Variants in CRPPA observed in about 807,000 individuals in gnomAD.
The protein encoded by CRPPA is CDP-L-ribitol pyrophosphorylase A, also known as D-ribitol-5-phosphate cytidylyltransferase.
A neutral mutation model predicts 52.0 loss-of-function variants in CRPPA; 43 were observed. That is an observed-to-expected ratio of 0.83 (90% CI 0.65 to 1.07). The LOEUF is 1.07. CRPPA is among the 50% of genes least tolerant of loss of function. CRPPA has a pLI of 0.00. For missense variants in CRPPA, 629 were observed against 551.7 expected (o/e 1.14, Z -1.40); for synonymous variants, 250 against 203.5 (o/e 1.23, Z -1.94).
chr7:16,327,562 C>T (rs1228896398), intron 3 of CRPPA, among the ~76,000 whole-genome samples: 2 of 135,990 alleles, frequency 1.5e-5, no homozygotes, highest in African/African-American at 2.9e-5. Context: ...CACTGCAGTC[C>T]GCAGTCCGGC....
intron 2 of CRPPA, among the ~76,000 whole-genome samples, chr7:16,392,672 T>A (rs1013824738): frequency 6.6e-6 from 1 of 152,224 alleles, no homozygotes; most frequent in East Asian, 1.9e-4. Context: ...AAGCCATTAA[T>A]AAATTGCTTT....
intron 3 of CRPPA, among the ~76,000 whole-genome samples, chr7:16,333,046 G>T (rs1014915327): frequency 3.9e-5 from 6 of 152,094 alleles, no homozygotes; most frequent in Non-Finnish European, 7.4e-5. Flanking sequence ...AGATCATAAA[G>T]GGGACAATAC....
intron 4 of CRPPA, among the ~76,000 whole-genome samples, chr7:16,307,245 A>T (rs909318654): frequency 6.6e-6 from 1 of 152,188 alleles, no homozygotes; most frequent in African/African-American, 2.4e-5. Flanking sequence ...CTTATTTCTG[A>T]TTTCCAGACT....
chr7:16,223,215 C>T (rs976032553), intron 8 of CRPPA, among the ~76,000 whole-genome samples: 7 of 152,116 alleles, frequency 4.6e-5, no homozygotes, highest in East Asian at 1.9e-4. Flanking sequence ...GGAACAATGC[C>T]GCTGCTTAAT....
chr7:16,156,630 G>A (rs976213053), intron 9 of CRPPA, among the ~76,000 whole-genome samples: 1 of 152,104 alleles, frequency 6.6e-6, no homozygotes, highest in African/African-American at 2.4e-5. Context: ...TAAAATAATA[G>A]GTCTACATCT....
At chr7:16,266,699 G>A (rs1370560202) in intron 6 of CRPPA, among the ~76,000 whole-genome samples, 3 of 151,950 alleles carry the variant, frequency 2.0e-5, no homozygotes, top group Non-Finnish European at 4.4e-5. Flanking sequence ...GGCTGGTCTC[G>A]AACCTCTGAC....
intron 2 of CRPPA, among the ~76,000 whole-genome samples, chr7:16,381,172 C>G (rs77771061): frequency 1.4e-4 from 22 of 152,284 alleles, no homozygotes; most frequent in African/African-American, 4.3e-4. Flanking sequence ...ATGAGTCCCA[C>G]AGATTCCGGT....
At chr7:16,208,968 C>A in intron 9 of CRPPA, 1 of 417,028 alleles carries the variant, frequency 2.4e-6, no homozygotes, top group South Asian at 1.9e-5. Context: ...CTAAAATCCA[C>A]CAAATTTTCT....
intron 1 of CRPPA, among the ~76,000 whole-genome samples, chr7:16,415,603 A>G (rs187408760): frequency 8.9e-4 from 135 of 152,308 alleles, no homozygotes; most frequent in Middle Eastern, 3.4e-3. Context: ...TATAACTTTA[A>G]TCATCTTACT....
chr7:16,398,692 G>C (rs535688046), intron 2 of CRPPA, among the ~76,000 whole-genome samples: 1 of 152,010 alleles, frequency 6.6e-6, no homozygotes, highest in Admixed American at 6.5e-5. Context: ...TGACTGACAC[G>C]ATTGGCATCT....
intron 8 of CRPPA, among the ~76,000 whole-genome samples, chr7:16,228,212 A>G (rs1246325025): frequency 1.3e-5 from 2 of 151,852 alleles, no homozygotes; most frequent in East Asian, 1.9e-4. Context: ...GGTTTTGACT[A>G]TTCAGGGTCT....
intron 2 of CRPPA, among the ~76,000 whole-genome samples, chr7:16,399,454 G>C (rs1173815838): frequency 6.6e-6 from 1 of 151,964 alleles, no homozygotes; most frequent in Non-Finnish European, 1.5e-5. Flanking sequence ...TCCAACATGT[G>C]ACTGATACGA....
intron 9 of CRPPA, among the ~76,000 whole-genome samples, chr7:16,140,211 G>A (rs1472211670): frequency 1.3e-5 from 2 of 152,026 alleles, no homozygotes; most frequent in African/African-American, 2.4e-5. Context: ...GCAGTGGTGT[G>A]ATCTCAGTTC....
chr7:16,326,344 A>G (rs538335236), intron 3 of CRPPA, among the ~76,000 whole-genome samples: 34 of 152,322 alleles, frequency 2.2e-4, no homozygotes, highest in Admixed American at 9.1e-4. Flanking sequence ...TTTCACTGTG[A>G]TGATATCAAG....
chr7:16,265,192 A>G (rs1295143), intron 6 of CRPPA, among the ~76,000 whole-genome samples: 28,727 of 152,088 alleles, frequency 0.19, 3,620 homozygotes, highest in African/African-American at 0.36. Context: ...CTGGTGGATC[A>G]TAACAGTGGC....
chr7:16,305,787 C>T lies in CRPPA; in HGVS notation c.789+2736G>A, dbSNP rs192314737. ...GTCCCAGCTACTCGGGAGACTGAGG[C>T]GGGAGAATTGCTTGAACCAGGGAGT... On this transcript the variant is annotated intron_variant, in intron 4 of 9. Coordinates refer to ENST00000407010, the MANE Select transcript of CRPPA (RefSeq NM_001101426.4). Among the ~76,000 whole-genome samples, 505 of 152,258 alleles carry T rather than the reference C, an allele frequency of 3.3e-3. 4 individuals carry two copies. The highest frequency in any genetic ancestry group is 5.2e-3 in the Non-Finnish European group (355 of 68,026).
intron 9 of CRPPA, among the ~76,000 whole-genome samples, chr7:16,116,675 A>AGAAAGGAAAGGGAAGGGAAG (rs1782380655): frequency 1.0e-5 from 1 of 96,618 alleles, no homozygotes; most frequent in Admixed American, 1.4e-4. Context: ...AAAAAAAAAA[A>AGAAAGGAAAGGGAAGGGAAG]GGAAAGGAAA....
intron 9 of CRPPA, among the ~76,000 whole-genome samples, chr7:16,114,196 G>A (rs139429813): frequency 2.6e-5 from 4 of 151,690 alleles, no homozygotes; most frequent in Non-Finnish European, 5.9e-5. Context: ...AGAAATTGGA[G>A]TAAAAACAAA....
chr7:16,273,680 G>A (rs1361292789), intron 6 of CRPPA, among the ~76,000 whole-genome samples: 1 of 152,118 alleles, frequency 6.6e-6, no homozygotes, highest in Non-Finnish European at 1.5e-5. Context: ...TACCAAGAGG[G>A]CTGGTGCAAA....
Sources: gnomAD v4.1 joint callset for allele counts (sites outside exome capture counted in the v4.1 genomes callset) on GRCh38, gnomAD v4.1.1 for gene constraint, MANE v1.5 for transcripts, NCBI Gene and HGNC (gene_info 2026-07-23, HGNC 2026-07-21) for gene names.